MGRN1: variants seen among roughly 807,000 people sequenced by gnomAD.
The protein encoded by MGRN1 is E3 ubiquitin-protein ligase MGRN1.
A neutral mutation model predicts 69.2 loss-of-function variants in MGRN1; 29 were observed. The ratio of observed to expected loss-of-function variants is 0.42; its 90% CI spans 0.31 to 0.57. The LOEUF (loss-of-function observed/expected upper bound fraction) is 0.57. Among genes scored for constraint, MGRN1 ranks in the 20% least tolerant of loss-of-function variants. The pLI is 0.15. For synonymous variants in MGRN1, 470 were observed against 344.2 expected, an observed-to-expected ratio of 1.37 and a Z score of -4.04; for missense variants, 998 against 796.2, an observed-to-expected ratio of 1.25 and a Z score of -3.05.
intron 1 of MGRN1, among the ~76,000 whole-genome samples, chr16:4,641,266 C>T (rs1210103994): frequency 6.6e-6 from 1 of 152,244 alleles, no homozygotes; most frequent in Non-Finnish European, 1.5e-5. Flanking sequence ...GTCCCTTCCT[C>T]CTGCCCCATC....
intron 1 of MGRN1, among the ~76,000 whole-genome samples, chr16:4,635,831 T>C (rs1348848656): frequency 7.1e-6 from 1 of 141,074 alleles, no homozygotes; most frequent in African/African-American, 2.7e-5. Flanking sequence ...GTATATTTAG[T>C]GGAGATGTGG....
rs576256371 is a variant in MGRN1, at chr16:4,675,963, G to T, written c.956-1500G>T. ...ATCCCACTGGTAGGCCCTTGCCCTG[G>T]ATCCTGGGATCCCTGGCCTGGGTCC... On this transcript the variant is annotated intron_variant, in intron 10 of 16. Coordinates refer to ENST00000262370, the MANE Select transcript of MGRN1 (RefSeq NM_015246.4). Among the ~76,000 whole-genome samples the T allele has an allele frequency of 3.9e-5, 6 of 152,366 alleles. No individual in the cohort carries two copies. The East Asian group carries it at 7.7e-4, about 20-fold the overall frequency.
Position 4,673,475 on chromosome 16 carries a change from C to G in MGRN1, c.796-23C>G, listed in dbSNP as rs757084784. On this transcript the variant is annotated intron_variant, in intron 9 of 16. Transcript: ENST00000262370. ...ACTCTGGCCTTTGGGAGGCTGCTGACCCACAAGCCCTTGTCCCGGCAGCCC... is the reference window on the plus strand; with the variant it reads ...ACTCTGGCCTTTGGGAGGCTGCTGAGCCACAAGCCCTTGTCCCGGCAGCCC... The G allele has an allele frequency of 5.6e-6, 9 of 1,607,722 alleles. No homozygotes were observed. The East Asian group carries it at 2.0e-4, about 36-fold the overall frequency.
chr16:4,653,135 C>T lies in MGRN1; in HGVS notation c.443+311C>T, dbSNP rs143397031. 1.2e-4 allele frequency among the ~76,000 whole-genome samples: 18 copies of T among 152,350 alleles called. No individual in the cohort carries two copies. In the East Asian group the frequency reaches 3.3e-3, roughly 28 times the overall value. On this transcript the variant is annotated intron_variant, in intron 4 of 16. Coordinates refer to ENST00000262370, the MANE Select transcript of MGRN1 (RefSeq NM_015246.4). Reference sequence around the variant, plus strand: ...TGCCACTCATAAGCCCCCGCTGTCACCTGAACTTCTCAGCAACCAGCCATA... The same window carrying T: ...TGCCACTCATAAGCCCCCGCTGTCATCTGAACTTCTCAGCAACCAGCCATA...
chr16:4,679,308 T>C (rs1178763898), intron 11 of MGRN1, among the ~76,000 whole-genome samples: 2 of 152,192 alleles, frequency 1.3e-5, no homozygotes. Flanking sequence ...GGTCCCTCCA[T>C]GTTTGTCCCT....
In MGRN1 at chr16:4,687,879, C is replaced by T. The variant is rs142947566; in HGVS notation, c.1619-917C>T. ...TGAACCTCTGTCTTCTTGAGCCCAG[C>T]GAGTCCCTCTGTTGACCCCTGTCCT... On this transcript the variant is annotated intron_variant, in intron 16 of 16. Coordinates refer to ENST00000262370, the MANE Select transcript of MGRN1 (RefSeq NM_015246.4). 5.3e-3 allele frequency: 5,230 copies of T among 985,502 alleles called. 16 individuals carry two copies. The highest frequency in any genetic ancestry group is 6.9e-3 in the Admixed American group (113 of 16,290). The allele number at this position is 985,502 out of a possible 1,614,324, so 61.0% of individuals were successfully genotyped here. A position where few individuals can be genotyped will look rare whatever the true frequency, so the allele number is the denominator to read the frequency against.
chr16:4,661,405 G>A (rs147150598), intron 5 of MGRN1, among the ~76,000 whole-genome samples: 1 of 152,220 alleles, frequency 6.6e-6, no homozygotes, highest in African/African-American at 2.4e-5. Flanking sequence ...AGGAGGCTGG[G>A]TCGGCTCCTG....
intron 12 of MGRN1, chr16:4,680,463 C>CG: frequency 4.0e-6 from 1 of 248,526 alleles, no homozygotes; most frequent in South Asian, 4.3e-5. Context: ...GCCCCGTGTC[C>CG]CGCTCCTTTA....
intron 2 of MGRN1, 101 bp from the exon 3 acceptor site, chr16:4,651,862 C>T: frequency 9.5e-7 from 1 of 1,055,928 alleles, no homozygotes; most frequent in South Asian, 1.3e-5. Context: ...GACTAGATCC[C>T]AGGGATACCC....
At chr16:4,654,293 G>T (rs2078479545) in intron 4 of MGRN1, among the ~76,000 whole-genome samples, 1 of 152,228 alleles carries the variant, frequency 6.6e-6, no homozygotes, top group Non-Finnish European at 1.5e-5. Context: ...TGTTGCTGAG[G>T]AAATGACAAG....
intron 16 of MGRN1, chr16:4,687,283 T>G: frequency 1.0e-6 from 1 of 985,250 alleles, no homozygotes; most frequent in Non-Finnish European, 1.2e-6. Flanking sequence ...CAGGCAGTGG[T>G]TCGCACCTAT....
intron 1 of MGRN1, among the ~76,000 whole-genome samples, chr16:4,627,969 A>G (rs1212427857): frequency 6.8e-6 from 1 of 146,118 alleles, no homozygotes; most frequent in Non-Finnish European, 1.5e-5. Flanking sequence ...AGTCCCAGCT[A>G]CTCAGGAAGC....
At chr16:4,656,344 TG>T (rs938180546) in intron 4 of MGRN1, among the ~76,000 whole-genome samples, 2 of 152,214 alleles carry the variant, frequency 1.3e-5, no homozygotes, top group Non-Finnish European at 2.9e-5. Flanking sequence ...GGGACCTGTG[TG>T]GTGGTTCACA....
At chr16:4,682,768 T>G in intron 13 of MGRN1, 55 bp from the exon 14 acceptor site, 1 of 1,466,150 alleles carries the variant, frequency 6.8e-7, no homozygotes, top group Non-Finnish European at 9.1e-7. Context: ...TTGGCAGGGT[T>G]AGCCTTCCTT....
rs1332277475 is a variant in MGRN1 at position 4,664,718 on chromosome 16, G to C, written c.571G>C (p.Asp191His). The C allele has an allele frequency of 5.6e-6, 9 of 1,614,176 alleles. No homozygotes were observed. Among genetic ancestry groups the C allele is most frequent in the Non-Finnish European group, 6.8e-6 (8 of 1,180,038 alleles). The part of the protein sequence containing the change: ...SEWKDDELNF[D>H]LDRGVFPVVI... ...GCAACTCTCTCCTCAGCTGAACTTT[G>C]ACCTGGACCGGGGCGTGTTTCCAGT... Residue 191 changes from aspartate (D) to histidine (H), a missense_variant, in exon 6 of 17, where the codon GAC becomes CAC. Transcript: ENST00000262370.
intron 10 of MGRN1, among the ~76,000 whole-genome samples, chr16:4,674,578 CT>C (rs113342903): frequency 1.2e-3 from 148 of 118,942 alleles, no homozygotes; most frequent in East Asian, 5.1e-3. Flanking sequence ...TGAGCCACCG[CT>C]TTTTTTTTTT....
At position 4,650,435 on chromosome 16, in the gene MGRN1, C is replaced by T. The variant is rs762170205; in HGVS notation, c.159C>T (p.Leu53=). ...ACACCCCCCACCCTGAAGGTTACCT[C>T]TTTGGAGAGAACATGGATCTGAACT... ...KFDTPHPEGY[L]FGENMDLNFL... Residue 53 remains leucine (L), a synonymous_variant, in exon 2 of 17, where the codon CTC becomes CTT. Transcript: ENST00000262370. 1 of 1,614,118 alleles carries T rather than the reference C, an allele frequency of 6.2e-7. No individual in the cohort carries two copies. Among genetic ancestry groups the T allele is most frequent in the Non-Finnish European group, 8.5e-7 (1 of 1,179,984 alleles).
chr16:4,659,051 A>C (rs2078616984), intron 5 of MGRN1: 1 of 152,186 alleles, frequency 6.6e-6, no homozygotes, highest in Non-Finnish European at 1.5e-5. Flanking sequence ...GGAGGGGTGA[A>C]AACCGAACAG....
At chr16:4,633,699 A>G (rs780094253) in intron 1 of MGRN1, 1 of 150,668 alleles carries the variant, frequency 6.6e-6, no homozygotes, top group Non-Finnish European at 1.5e-5. Flanking sequence ...CTCAAAAAAT[A>G]TATCTATCAA....
Sources: gnomAD v4.1 joint callset for allele counts (sites outside exome capture counted in the v4.1 genomes callset) on GRCh38, gnomAD v4.1.1 for gene constraint, MANE v1.5 for transcripts, NCBI Gene and HGNC (gene_info 2026-07-23, HGNC 2026-07-21) for gene names.